CCSER1: variants seen among roughly 807,000 people sequenced by gnomAD.
CCSER1 encodes serine-rich coiled-coil domain-containing protein 1.
A neutral mutation model predicts 82.0 loss-of-function variants in CCSER1; 41 were observed. The ratio of observed to expected loss-of-function variants is 0.50; its 90% CI spans 0.39 to 0.65. The LOEUF (loss-of-function observed/expected upper bound fraction) is 0.65, where lower values mean the gene tolerates loss of function less well. Among genes scored for constraint, CCSER1 ranks in the 30% least tolerant of loss-of-function variants. The pLI, the probability that CCSER1 is intolerant of heterozygous loss-of-function variation, is 0.00. For missense variants in CCSER1, 1,119 were observed against 1,064.2 expected, an observed-to-expected ratio of 1.05 and a Z score of -0.72; for synonymous variants, 414 against 383.9, an observed-to-expected ratio of 1.08 and a Z score of -0.92.
intron 7 of CCSER1, chr4:90,781,079 C>A (rs747515351): frequency 6.7e-5 from 12 of 177,982 alleles, no homozygotes; most frequent in Non-Finnish European, 9.8e-5. Context: ...TTTAAATTAC[C>A]AGATCTCACA....
At chr4:90,787,390 A>G (rs1474653759) in intron 7 of CCSER1, among the ~76,000 whole-genome samples, 5 of 152,184 alleles carry the variant, frequency 3.3e-5, no homozygotes, top group African/African-American at 1.2e-4. Flanking sequence ...AAACCAATAT[A>G]TATTCAATCA....
At chr4:91,028,765 A>G (rs1004357403) in intron 9 of CCSER1, among the ~76,000 whole-genome samples, 2 of 151,772 alleles carry the variant, frequency 1.3e-5, no homozygotes, top group African/African-American at 4.8e-5. Context: ...AATAAGCATG[A>G]CTCCCCATGG....
At chr4:91,146,631 C>CT (rs905922392) in intron 10 of CCSER1, among the ~76,000 whole-genome samples, 3 of 149,244 alleles carry the variant, frequency 2.0e-5, no homozygotes, top group South Asian at 2.1e-4. Context: ...TTTTTATATT[C>CT]TTTTTTTCCC....
At chr4:90,207,688 G>A (rs868584008) in intron 1 of CCSER1, among the ~76,000 whole-genome samples, 13 of 152,050 alleles carry the variant, frequency 8.5e-5, no homozygotes, top group Admixed American at 5.2e-4. Flanking sequence ...TTGTGGGGAC[G>A]TCCTTTTTGT....
intron 9 of CCSER1, among the ~76,000 whole-genome samples, chr4:90,992,960 C>T (rs10015653): frequency 0.026 from 3,929 of 152,042 alleles, 145 homozygotes; most frequent in African/African-American, 0.085. Context: ...GCTCACACAC[C>T]GGCATGAACA....
intron 1 of CCSER1, among the ~76,000 whole-genome samples, chr4:90,304,647 G>T (rs1233810764): frequency 1.3e-5 from 2 of 152,064 alleles, no homozygotes; most frequent in Non-Finnish European, 2.9e-5. Context: ...GGGGACTGTT[G>T]TGGGGTGGGG....
intron 1 of CCSER1, among the ~76,000 whole-genome samples, chr4:90,172,833 G>C (rs1337718871): frequency 6.6e-6 from 1 of 151,838 alleles, no homozygotes; most frequent in Non-Finnish European, 1.5e-5. Flanking sequence ...ATGTGTGCCT[G>C]GTGGTATGGC....
At chr4:90,717,906 G>T (rs1262081386) in intron 6 of CCSER1, among the ~76,000 whole-genome samples, 1 of 151,552 alleles carries the variant, frequency 6.6e-6, no homozygotes, top group African/African-American at 2.4e-5. Flanking sequence ...CTTACCAATG[G>T]GAACAATCAT....
Position 90,425,773 on chromosome 4 carries a change from C to G in CCSER1, c.1603+25644C>G, listed in dbSNP as rs139419392. 7.2e-3 allele frequency among the ~76,000 whole-genome samples: 1,102 copies of G among 152,252 alleles called. 9 individuals carry two copies. Among genetic ancestry groups the G allele is most frequent in the South Asian group, 0.022 (105 of 4,820 alleles). On this transcript the variant is annotated intron_variant, in intron 4 of 10. Coordinates refer to ENST00000509176, the MANE Select transcript of CCSER1 (RefSeq NM_001145065.2). ...AATCTGATTTTGTTGGCAGAGCTTA[C>G]AAAGTTCTCAAGCTTCAACACCACC...
chr4:90,796,519 T>G (rs2149682742), intron 7 of CCSER1, among the ~76,000 whole-genome samples: 1 of 152,158 alleles, frequency 6.6e-6, no homozygotes, highest in African/African-American at 2.4e-5. Context: ...TCTTGTCTTC[T>G]GCTAGCTTTG....
chr4:91,510,375 G>A (rs1247027000), intron 10 of CCSER1, among the ~76,000 whole-genome samples: 4 of 152,090 alleles, frequency 2.6e-5, no homozygotes, highest in Non-Finnish European at 2.9e-5. Context: ...GGGTTGAGTG[G>A]CAGTTCTATT....
intron 5 of CCSER1, among the ~76,000 whole-genome samples, chr4:90,506,729 C>T (rs982155213): frequency 6.0e-5 from 9 of 149,956 alleles, no homozygotes. Context: ...TGTGCCATTG[C>T]ACTCCAACCT....
intron 10 of CCSER1, among the ~76,000 whole-genome samples, chr4:91,266,166 G>A (rs1463356793): frequency 6.6e-6 from 1 of 152,124 alleles, no homozygotes; most frequent in Non-Finnish European, 1.5e-5. Flanking sequence ...GGGACACAGA[G>A]CAAAACCATG....
At chr4:91,104,229 GC>G (rs1324199806) in intron 10 of CCSER1, among the ~76,000 whole-genome samples, 1 of 152,106 alleles carries the variant, frequency 6.6e-6, no homozygotes, top group African/African-American at 2.4e-5. Flanking sequence ...GTTCTGCTTT[GC>G]CCTTTGCTTT....
intron 4 of CCSER1, among the ~76,000 whole-genome samples, chr4:90,460,623 C>T (rs1762776631): frequency 6.6e-6 from 1 of 152,076 alleles, no homozygotes. Context: ...CAGTTTTACG[C>T]AATTCCTTCA....
At chr4:91,521,788 T>A (rs1578686523) in intron 10 of CCSER1, among the ~76,000 whole-genome samples, 2 of 152,228 alleles carry the variant, frequency 1.3e-5, no homozygotes, top group Non-Finnish European at 2.9e-5. Context: ...TAGCCCTTCA[T>A]CAGATGGGCA....
intron 10 of CCSER1, among the ~76,000 whole-genome samples, chr4:91,402,240 G>T (rs1381064742): frequency 6.6e-6 from 1 of 151,720 alleles, no homozygotes; most frequent in African/African-American, 2.4e-5. Context: ...TTTTTGATGG[G>T]GTTGATTTTT....
At chr4:91,318,862 G>C (rs954240176) in intron 10 of CCSER1, among the ~76,000 whole-genome samples, 1 of 151,850 alleles carries the variant, frequency 6.6e-6, no homozygotes, top group African/African-American at 2.4e-5. Context: ...CCTTTTTAAC[G>C]TTCTGATTGT....
chr4:91,588,726 C>A (rs1390413718), intron 10 of CCSER1, among the ~76,000 whole-genome samples: 2 of 151,658 alleles, frequency 1.3e-5, no homozygotes, highest in Non-Finnish European at 3.0e-5. Flanking sequence ...AATGTAGGTT[C>A]TTATTATTTG....
Sources: gnomAD v4.1 joint callset for allele counts (sites outside exome capture counted in the v4.1 genomes callset) on GRCh38, gnomAD v4.1.1 for gene constraint, MANE v1.5 for transcripts, NCBI Gene and HGNC (gene_info 2026-07-23, HGNC 2026-07-21) for gene names.